The following CDH13 variants were observed in gnomAD, a reference collection of about 807,000 sequenced individuals.
CDH13 encodes the protein cadherin 13.
CDH13 carries 24 observed loss-of-function variants against 63.8 expected under a neutral mutation model. That is an observed-to-expected ratio of 0.38 (90% CI 0.27 to 0.53). The LOEUF (loss-of-function observed/expected upper bound fraction) is 0.53, where lower values mean the gene tolerates loss of function less well. Among genes scored for constraint, CDH13 ranks in the 20% least tolerant of loss-of-function variants. The probability of loss-of-function intolerance (pLI) is 0.85; values close to 1 mark genes in which losing one functional copy is unlikely to be tolerated. For synonymous variants in CDH13, 503 were observed against 355.3 expected (o/e 1.42, Z -4.67); for missense variants, 1,049 against 903.1 (o/e 1.16, Z -2.07).
At chr16:83,195,518 T>A (rs7194536) in intron 4 of CDH13, among the ~76,000 whole-genome samples, 1 of 151,714 alleles carries the variant, frequency 6.6e-6, no homozygotes, top group Non-Finnish European at 1.5e-5. Flanking sequence ...GGGGAGGTGC[T>A]ATACAGTTTC....
intron 2 of CDH13, among the ~76,000 whole-genome samples, chr16:82,910,095 T>C (rs1239548962): frequency 3.9e-5 from 6 of 152,176 alleles, no homozygotes; most frequent in Admixed American, 1.3e-4. Context: ...TCCACCCCTC[T>C]TTACGCATCC....
At chr16:83,681,013 A>C (rs1179506138) in intron 10 of CDH13, among the ~76,000 whole-genome samples, 1 of 151,998 alleles carries the variant, frequency 6.6e-6, no homozygotes, top group Non-Finnish European at 1.5e-5. Flanking sequence ...TACCAGAGGA[A>C]AGCAACATCT....
At chr16:83,272,655 G>A (rs1197713874) in intron 5 of CDH13, among the ~76,000 whole-genome samples, 2 of 152,102 alleles carry the variant, frequency 1.3e-5, no homozygotes, top group Non-Finnish European at 2.9e-5. Flanking sequence ...AATCATTTGC[G>A]TTAATAGGTC....
At chr16:82,858,207 T>C (rs1489930264) in intron 1 of CDH13, among the ~76,000 whole-genome samples, 155 bp from the exon 2 acceptor site, 1 of 152,244 alleles carries the variant, frequency 6.6e-6, no homozygotes, top group Non-Finnish European at 1.5e-5. Context: ...CCAAAAAGAA[T>C]TGTTGGCAGC....
At chr16:82,743,732 T>G (rs2034038483) in intron 1 of CDH13, among the ~76,000 whole-genome samples, 4 of 152,220 alleles carry the variant, frequency 2.6e-5, no homozygotes, top group Non-Finnish European at 5.9e-5. Context: ...CCCCCACTGT[T>G]AATGTTTTCT....
Position 82,914,641 on chromosome 16 carries a change from G to A in CDH13, c.157+56168G>A, listed in dbSNP as rs140887672. 7.2e-4 allele frequency among the ~76,000 whole-genome samples: 109 copies of A among 152,314 alleles called. 1 individual carries two copies. The highest frequency in any genetic ancestry group is 2.6e-3 in the African/African-American group (107 of 41,572). ...ATGATGATCTTTTAAGGCAAATCCTGCTTTCTTGAAGCTTGGTCAGCCCTG... is the reference window on the plus strand; with the variant it reads ...ATGATGATCTTTTAAGGCAAATCCTACTTTCTTGAAGCTTGGTCAGCCCTG... On this transcript the variant is annotated intron_variant, in intron 2 of 13. Transcript: ENST00000567109.
At chr16:82,899,399 A>G (rs1230055210) in intron 2 of CDH13, among the ~76,000 whole-genome samples, 1 of 152,244 alleles carries the variant, frequency 6.6e-6, no homozygotes, top group Non-Finnish European at 1.5e-5. Context: ...GCCATGTTTT[A>G]TCTGCAATGC....
intron 1 of CDH13, among the ~76,000 whole-genome samples, chr16:82,769,718 A>C (rs2035189943): frequency 6.6e-6 from 1 of 152,244 alleles, no homozygotes; most frequent in South Asian, 2.1e-4. Context: ...AATTATTCAC[A>C]GAAAGACATG....
At chr16:83,429,813 AC>A (rs1439918677) in intron 6 of CDH13, among the ~76,000 whole-genome samples, 1 of 152,210 alleles carries the variant, frequency 6.6e-6, no homozygotes, top group African/African-American at 2.4e-5. Context: ...TACCCTCTTA[AC>A]AAATATTTTT....
intron 1 of CDH13, among the ~76,000 whole-genome samples, chr16:82,853,689 C>A (rs956076038): frequency 6.6e-6 from 1 of 152,174 alleles, no homozygotes; most frequent in East Asian, 1.9e-4. Context: ...TAATAGAAAT[C>A]TTTTGTTAAT....
chr16:83,507,928 A>G (rs1214344049), intron 7 of CDH13, among the ~76,000 whole-genome samples: 1 of 151,378 alleles, frequency 6.6e-6, no homozygotes, highest in African/African-American at 2.4e-5. Context: ...GCTACTCAGG[A>G]GGCTGAAGCA....
intron 6 of CDH13, among the ~76,000 whole-genome samples, chr16:83,423,815 C>A (rs948960911): frequency 6.6e-6 from 1 of 152,222 alleles, no homozygotes; most frequent in African/African-American, 2.4e-5. Context: ...TTGAGCATTC[C>A]TGCCAATCTT....
intron 7 of CDH13, among the ~76,000 whole-genome samples, chr16:83,509,122 G>T (rs1432518728): frequency 2.6e-5 from 4 of 152,096 alleles, no homozygotes; most frequent in South Asian, 4.1e-4. Flanking sequence ...CAGCCCCCAG[G>T]GGCTTCCCAT....
chr16:83,576,258 A>T (rs1905079373), intron 7 of CDH13, among the ~76,000 whole-genome samples: 1 of 152,166 alleles, frequency 6.6e-6, no homozygotes, highest in Non-Finnish European at 1.5e-5. Flanking sequence ...AACTCATTCA[A>T]TCTGTGACAT....
chr16:83,175,002 A>C (rs2151734942), intron 4 of CDH13, among the ~76,000 whole-genome samples: 1 of 152,208 alleles, frequency 6.6e-6, no homozygotes, highest in East Asian at 1.9e-4. Context: ...TTAAAATTTG[A>C]GGTGAGATTT....
chr16:83,231,389 G>T (rs2039994828), intron 5 of CDH13, among the ~76,000 whole-genome samples: 1 of 152,152 alleles, frequency 6.6e-6, no homozygotes, highest in Non-Finnish European at 1.5e-5. Context: ...ATTCACCTTT[G>T]ATTGTACTTC....
At chr16:83,679,171 T>A (rs1915200901) in intron 10 of CDH13, among the ~76,000 whole-genome samples, 3 of 152,182 alleles carry the variant, frequency 2.0e-5, no homozygotes, top group Admixed American at 2.0e-4. Context: ...TAGAAAGCAT[T>A]TTCGTAATGA....
chr16:83,657,011 A>C (rs765863819), intron 8 of CDH13, among the ~76,000 whole-genome samples: 5 of 152,160 alleles, frequency 3.3e-5, no homozygotes, highest in Non-Finnish European at 7.3e-5. Flanking sequence ...TAAAACTTGC[A>C]CTTCAGGTAC....
rs1324013074 is a variant in CDH13, at chr16:83,783,476, A to G, written c.2134+4A>G. The G allele has an allele frequency of 2.5e-6, 4 of 1,612,550 alleles. No individual in the cohort carries two copies. The highest frequency in any genetic ancestry group is 8.5e-7 in the Non-Finnish European group (1 of 1,178,874). On this transcript the variant is annotated splice_donor_region_variant and intron_variant, in intron 13 of 13. Coordinates refer to ENST00000567109, the MANE Select transcript of CDH13 (RefSeq NM_001257.5). ...CTCAGCCTCTTCAGCTTAGCTTGTA[A>G]GTTGACCTAACTCCAGTGCATGCAC...
Sources: gnomAD v4.1 joint callset for allele counts (sites outside exome capture counted in the v4.1 genomes callset) on GRCh38, gnomAD v4.1.1 for gene constraint, MANE v1.5 for transcripts, NCBI Gene and HGNC (gene_info 2026-07-23, HGNC 2026-07-21) for gene names.